The following HTRA1 variants were observed in gnomAD, a reference collection of about 807,000 sequenced individuals.
The protein encoded by HTRA1 is serine protease HTRA1.
HTRA1 carries 26 observed loss-of-function variants against 49.7 expected under a neutral mutation model. The ratio of observed to expected loss-of-function variants is 0.52; its 90% CI spans 0.38 to 0.73. The LOEUF (loss-of-function observed/expected upper bound fraction) is 0.73. Ranked by LOEUF, HTRA1 falls within the 30% of genes least tolerant of loss-of-function variation. The pLI, the probability that HTRA1 is intolerant of heterozygous loss-of-function variation, is 0.00. For synonymous variants in HTRA1, 291 were observed against 286.9 expected, an observed-to-expected ratio of 1.01 and a Z score of -0.14; for missense variants, 561 against 667.2, an observed-to-expected ratio of 0.84 and a Z score of 1.75.
Position 122,461,691 on chromosome 10 carries a change from G to A in HTRA1, c.39G>A (p.Leu13=). ...GCGCCGCTCTTCTCCCGCTGCTGCT[G>A]CTGCTGCTGGCGGCGCCCGCCTCGG... ...IPRAALLPLL[L]LLLAAPASAQ... The change falls in exon 1 of 9, where the codon CTG becomes CTA. Residue 13 remains leucine, a synonymous_variant. Transcript: ENST00000368984. The A allele has an allele frequency of 7.7e-7, 1 of 1,306,368 alleles. No homozygotes were observed. The highest frequency in any genetic ancestry group is 9.9e-7 in the Non-Finnish European group (1 of 1,012,250). The allele number at this position is 1,306,368 out of a possible 1,614,324, so 80.9% of individuals were successfully genotyped here.
chr10:122,479,446 C>T (rs1432472700), intron 1 of HTRA1, among the ~76,000 whole-genome samples: 1 of 152,164 alleles, frequency 6.6e-6, no homozygotes, highest in Non-Finnish European at 1.5e-5. Context: ...ATGCACCCTG[C>T]AGGCTTGCAG....
chr10:122,508,572 C>G (rs2097504172), intron 5 of HTRA1, 84 bp from the exon 6 acceptor site: 2 of 901,776 alleles, frequency 2.2e-6, no homozygotes, highest in Admixed American at 1.7e-5. Context: ...AGCTCAGGGA[C>G]TTCTTTCAGG....
chr10:122,461,805 G>C lies in HTRA1; in HGVS notation c.153G>C (p.Glu51Asp). 3 of 1,066,698 alleles carry C rather than the reference G, an allele frequency of 2.8e-6. No individual in the cohort carries two copies. Among genetic ancestry groups the C allele is most frequent in the Non-Finnish European group, 3.4e-6 (3 of 885,250 alleles). The allele number at this position is 1,066,698 out of a possible 1,614,324, so 66.1% of individuals were successfully genotyped here. ...CGGCGCGCTGCCCGCCGCAGCCGGA[G>C]CACTGCGAGGGCGGCCGGGCCCGGG... ...CEPARCPPQP[E>D]HCEGGRARDA... Residue 51 changes from glutamate to aspartate, a missense_variant, in exon 1 of 9, where the codon GAG (glutamate) becomes GAC (aspartate). Transcript: ENST00000368984.
chr10:122,509,099 T>C (rs2097504430), intron 6 of HTRA1, among the ~76,000 whole-genome samples: 1 of 152,146 alleles, frequency 6.6e-6, no homozygotes, highest in South Asian at 2.1e-4. Context: ...CTAGTCCCAT[T>C]TTGCTGATGA....
chr10:122,495,243 A>G (rs2097498104), intron 3 of HTRA1, among the ~76,000 whole-genome samples: 1 of 152,066 alleles, frequency 6.6e-6, no homozygotes, highest in African/African-American at 2.4e-5. Context: ...TCCATTTTGG[A>G]TTCTTTCCCC....
At position 122,508,725 on chromosome 10, in the gene HTRA1, A is replaced by G; in HGVS notation, c.1075A>G (p.Lys359Glu). ...AGISFAIPSD[K>E]IKKFLTESHD... ...AATCTCCTTTGCAATCCCATCTGATAAGATTAAAAAGTTCCTCACGGAGTC... is the reference window on the plus strand; with the variant it reads ...AATCTCCTTTGCAATCCCATCTGATGAGATTAAAAAGTTCCTCACGGAGTC... The change falls in exon 6 of 9, where the codon AAG becomes GAG. Residue 359 changes from lysine to glutamate, a missense_variant. By Grantham distance (56) the Lys-to-Glu change is moderately conservative. This residue lies in a region of HTRA1 where 179 missense variants were observed against 173.4 expected (regional missense o/e 1.03). Coordinates refer to ENST00000368984, the MANE Select transcript of HTRA1 (RefSeq NM_002775.5). 6.2e-7 allele frequency: 1 copy of G among 1,613,928 alleles called. No individual in the cohort carries two copies. The highest frequency in any genetic ancestry group is 2.2e-5 in the East Asian group (1 of 44,872).
chr10:122,512,556 T>G (rs770480513), intron 8 of HTRA1, among the ~76,000 whole-genome samples: 23 of 152,346 alleles, frequency 1.5e-4, no homozygotes, highest in Middle Eastern at 6.8e-3. Context: ...CATCAGGGTT[T>G]GTTACCTGTA....
At chr10:122,492,376 C>T (rs915624781) in intron 3 of HTRA1, among the ~76,000 whole-genome samples, 3 of 152,168 alleles carry the variant, frequency 2.0e-5, no homozygotes, top group African/African-American at 7.2e-5. Flanking sequence ...TACTGTTGCC[C>T]AGGCTGGAGT....
chr10:122,489,039 C>T (rs1029482707), intron 2 of HTRA1, 38 bp downstream of exon 2: 3 of 1,399,530 alleles, frequency 2.1e-6, no homozygotes, highest in Non-Finnish European at 3.0e-6. Flanking sequence ...ACCTCCGAAG[C>T]TTTCACCGCC....
In HTRA1 at chr10:122,490,139, A is replaced by C. The variant is rs1346063942; in HGVS notation, c.777+513A>C. Among the ~76,000 whole-genome samples, 1 of 152,212 alleles carries C rather than the reference A, an allele frequency of 6.6e-6. No homozygotes were observed. Among genetic ancestry groups the C allele is most frequent in the Non-Finnish European group, 1.5e-5 (1 of 68,040 alleles). ...TTTCAAAAGAATGTTTCGTACTTTA[A>C]ACATCTTGGAAAACTTGAATTAAAA... is the stretch of plus-strand genomic sequence containing the variant. On this transcript the variant is annotated intron_variant, in intron 3 of 8. Coordinates refer to ENST00000368984, the MANE Select transcript of HTRA1 (RefSeq NM_002775.5). This position sits in a 1 kb window ranked among gnomAD's most constrained non-coding sequence, Gnocchi z 4.2.
At chr10:122,491,073 A>G (rs1384339733) in intron 3 of HTRA1, among the ~76,000 whole-genome samples, 1 of 152,212 alleles carries the variant, frequency 6.6e-6, no homozygotes, top group Non-Finnish European at 1.5e-5. Flanking sequence ...TCTAGCGACA[A>G]CTAATCTTTC....
Position 122,500,439 on chromosome 10 carries a change from G to C in HTRA1, c.778-6252G>C, listed in dbSNP as rs572875365. ...TGTCAGAGCTGAGATGACCATTGGA[G>C]ATCACTGGGCTCAACTCCCTAATTT... On this transcript the variant is annotated intron_variant, in intron 3 of 8. Coordinates refer to ENST00000368984, the MANE Select transcript of HTRA1 (RefSeq NM_002775.5). Among the ~76,000 whole-genome samples, 5 of 152,322 alleles carry C rather than the reference G, an allele frequency of 3.3e-5. No homozygotes were observed. In the East Asian group the frequency reaches 9.6e-4, roughly 29 times the overall value.
In HTRA1 at chr10:122,497,189, C is replaced by G. The variant is rs72834480; in HGVS notation, c.777+7563C>G. Among the ~76,000 whole-genome samples the G allele has an allele frequency of 1.9e-3, 286 of 152,274 alleles. 1 individual carries two copies. The highest frequency in any genetic ancestry group is 6.6e-3 in the African/African-American group (275 of 41,536). ...AAGCACCAGAATCTGATAATGGGAA[C>G]ATGTGACTCATGGTATTTCCTTCTT... On this transcript the variant is annotated intron_variant, in intron 3 of 8. Transcript: ENST00000368984.
chr10:122,494,471 C>T lies in HTRA1; in HGVS notation c.777+4845C>T, dbSNP rs1172024716. ...TTGCCTGCTTGGAGTTTGATGGACA[C>T]GTGGTCCTGTCAGGGCTACAGCAGG... On this transcript the variant is annotated intron_variant, in intron 3 of 8. Transcript: ENST00000368984. The surrounding 1 kb of genome is among the most constrained non-coding windows in gnomAD (Gnocchi z 4.0). 2.0e-5 allele frequency among the ~76,000 whole-genome samples: 3 copies of T among 152,298 alleles called. No individual in the cohort carries two copies. Among genetic ancestry groups the T allele is most frequent in the African/African-American group, 2.4e-5 (1 of 41,564 alleles).
At position 122,514,339 on chromosome 10, in the gene HTRA1, C is replaced by G. The variant is rs769157908; in HGVS notation, c.1423C>G (p.Pro475Ala). Residue 475 changes from proline (P) to alanine (A), a missense_variant, in exon 9 of 9, where the codon CCC becomes GCC. By Grantham distance (27) the Pro-to-Ala change is conservative (BLOSUM62 -1). Coordinates refer to ENST00000368984, the MANE Select transcript of HTRA1 (RefSeq NM_002775.5). The part of the protein sequence containing the change: ...GNEDIMITVI[P>A]EEIDP ...TGAAGATATCATGATCACAGTGATTCCCGAAGAAATTGACCCATAGGCAGA... is the reference window on the plus strand; with the variant it reads ...TGAAGATATCATGATCACAGTGATTGCCGAAGAAATTGACCCATAGGCAGA... The G allele has an allele frequency of 2.5e-5, 41 of 1,613,938 alleles. No individual in the cohort carries two copies. The highest frequency in any genetic ancestry group is 3.2e-5 in the Non-Finnish European group (38 of 1,179,996).
At chr10:122,472,356 C>A (rs548929989) in intron 1 of HTRA1, among the ~76,000 whole-genome samples, 170 of 142,724 alleles carry the variant, frequency 1.2e-3, no homozygotes, top group African/African-American at 4.2e-3. Context: ...CCAGAAATAT[C>A]ATTTCTTTAT....
chr10:122,514,020 T>C (rs557751082), intron 8 of HTRA1, among the ~76,000 whole-genome samples, 171 bp from the exon 9 acceptor site: 1 of 151,956 alleles, frequency 6.6e-6, no homozygotes, highest in Non-Finnish European at 1.5e-5. Context: ...ATTACAGGCA[T>C]GAGCCACCGT....
At chr10:122,468,768 C>A (rs1466430327) in intron 1 of HTRA1, among the ~76,000 whole-genome samples, 1 of 152,178 alleles carries the variant, frequency 6.6e-6, no homozygotes, top group African/African-American at 2.4e-5. Context: ...CTCGTTAACT[C>A]TCCCTGGAGC....
rs964452003 is a variant in HTRA1 at position 122,494,481 on chromosome 10, T to A, written c.777+4855T>A. On this transcript the variant is annotated intron_variant, in intron 3 of 8. Coordinates refer to ENST00000368984, the MANE Select transcript of HTRA1 (RefSeq NM_002775.5). This position sits in a 1 kb window ranked among gnomAD's most constrained non-coding sequence, Gnocchi z 4.0. ...GGAGTTTGATGGACACGTGGTCCTG[T>A]CAGGGCTACAGCAGGTCTATGGTCT... 1.7e-4 allele frequency among the ~76,000 whole-genome samples: 26 copies of A among 152,192 alleles called. No individual in the cohort carries two copies. The highest frequency in any genetic ancestry group is 1.6e-3 in the Admixed American group (25 of 15,282).
Sources: gnomAD v4.1 joint callset for allele counts (sites outside exome capture counted in the v4.1 genomes callset) on GRCh38, gnomAD v4.1.1 for gene constraint, gnomAD v4.1.1 regional missense constraint, Gnocchi (gnomAD v3.1) non-coding constraint, MANE v1.5 for transcripts, NCBI Gene and HGNC (gene_info 2026-07-23, HGNC 2026-07-21) for gene names.